ST6GALNAC3: variants seen among roughly 807,000 people sequenced by gnomAD.
The protein encoded by ST6GALNAC3 is ST6 N-acetylgalactosaminide alpha-2,6-sialyltransferase 3, also known as alpha-N-acetylgalactosaminide alpha-2,6-sialyltransferase 3.
In ST6GALNAC3, 25 loss-of-function variants were observed where a neutral mutation model predicts 32.7. That is an observed-to-expected ratio of 0.76 (90% CI 0.56 to 1.07). The LOEUF (loss-of-function observed/expected upper bound fraction) is 1.07. Ranked by LOEUF, ST6GALNAC3 falls within the 50% of genes least tolerant of loss-of-function variation. ST6GALNAC3 has a pLI of 0.00. For synonymous variants in ST6GALNAC3, 129 were observed against 133.1 expected (o/e 0.97, Z 0.21); for missense variants, 355 against 382.4 (o/e 0.93, Z 0.60).
rs1259675278 is a variant in ST6GALNAC3 at position 76,629,601 on chromosome 1, T to C, written c.*795T>C. 2.0e-6 allele frequency: 2 copies of C among 984,610 alleles called. No individual in the cohort carries two copies. The highest frequency in any genetic ancestry group is 6.2e-5 in the Admixed American group (1 of 16,204). The allele number at this position is 984,610 out of a possible 1,614,324, so 61.0% of individuals were successfully genotyped here. ...AGTGCTAAATATTTCAGAAGGCTAC[T>C]TAACATGTAAGATACCAACTTCAAC... On this transcript the variant is annotated 3_prime_UTR_variant, in exon 5 of 5. Transcript: ENST00000328299.
intron 1 of ST6GALNAC3, among the ~76,000 whole-genome samples, chr1:76,229,561 G>A: frequency 6.6e-6 from 1 of 152,182 alleles, no homozygotes; most frequent in Non-Finnish European, 1.5e-5. Flanking sequence ...AGAATAAATA[G>A]CCTTTGCTTG....
chr1:76,532,761 A>G (rs953940607), intron 3 of ST6GALNAC3, among the ~76,000 whole-genome samples: 2 of 152,180 alleles, frequency 1.3e-5, no homozygotes, highest in Admixed American at 6.5e-5. Context: ...CCATCTGACC[A>G]TGAGTTAATG....
At chr1:76,466,861 A>C (rs1658667547) in intron 3 of ST6GALNAC3, among the ~76,000 whole-genome samples, 1 of 152,124 alleles carries the variant, frequency 6.6e-6, no homozygotes, top group Non-Finnish European at 1.5e-5. Flanking sequence ...TTGCATATAG[A>C]TAAGAAGCAG....
intron 1 of ST6GALNAC3, among the ~76,000 whole-genome samples, chr1:76,182,045 C>T (rs1653215103): frequency 6.6e-6 from 1 of 152,114 alleles, no homozygotes; most frequent in Non-Finnish European, 1.5e-5. Flanking sequence ...ATCAGCAAAC[C>T]CTACTAATAG....
At chr1:76,251,456 T>C (rs993160312) in intron 1 of ST6GALNAC3, among the ~76,000 whole-genome samples, 1 of 152,172 alleles carries the variant, frequency 6.6e-6, no homozygotes, top group African/African-American at 2.4e-5. Flanking sequence ...CTGCTCATTC[T>C]TGCCTCAACC....
chr1:76,463,174 A>T (rs1186188060), intron 3 of ST6GALNAC3, among the ~76,000 whole-genome samples: 1 of 152,176 alleles, frequency 6.6e-6, no homozygotes, highest in African/African-American at 2.4e-5. Context: ...TAATAGTGGG[A>T]GCTTAACTTT....
At chr1:76,309,551 G>T (rs1448581861) in intron 1 of ST6GALNAC3, among the ~76,000 whole-genome samples, 5 of 152,184 alleles carry the variant, frequency 3.3e-5, no homozygotes, top group African/African-American at 9.6e-5. Flanking sequence ...ACTACTAGAA[G>T]AAGGCACATG....
At chr1:76,386,158 T>C (rs1243134096) in intron 2 of ST6GALNAC3, among the ~76,000 whole-genome samples, 12 of 151,926 alleles carry the variant, frequency 7.9e-5, no homozygotes, top group African/African-American at 2.4e-5. Context: ...AGTTTATGGA[T>C]TGAATTGAAT....
At chr1:76,291,163 G>A (rs1319142715) in intron 1 of ST6GALNAC3, among the ~76,000 whole-genome samples, 1 of 152,226 alleles carries the variant, frequency 6.6e-6, no homozygotes, top group Non-Finnish European at 1.5e-5. Context: ...CCTACTAAAT[G>A]TTTAAATTTC....
At chr1:76,175,034 T>C (rs1332325645) in intron 1 of ST6GALNAC3, among the ~76,000 whole-genome samples, 2 of 152,202 alleles carry the variant, frequency 1.3e-5, no homozygotes, top group African/African-American at 2.4e-5. Context: ...GGAAGTTCCA[T>C]TACTTACTTA....
intron 2 of ST6GALNAC3, among the ~76,000 whole-genome samples, chr1:76,318,428 G>A (rs1646907825): frequency 6.6e-6 from 1 of 152,128 alleles, no homozygotes; most frequent in Non-Finnish European, 1.5e-5. Flanking sequence ...AACTAACTGG[G>A]TGAGTGCTGA....
intron 1 of ST6GALNAC3, among the ~76,000 whole-genome samples, chr1:76,261,416 G>A (rs531995861): frequency 3.5e-4 from 54 of 152,218 alleles, no homozygotes; most frequent in African/African-American, 1.2e-3. Flanking sequence ...GACCCATTTT[G>A]AGTGTTGGTG....
At chr1:76,582,752 G>A (rs1162018775) in intron 3 of ST6GALNAC3, among the ~76,000 whole-genome samples, 3 of 152,010 alleles carry the variant, frequency 2.0e-5, no homozygotes, top group Admixed American at 1.3e-4. Flanking sequence ...TCTGCCCTCC[G>A]GAACACAGCA....
At chr1:76,078,675 ACT>A (rs1388951896) in intron 1 of ST6GALNAC3, among the ~76,000 whole-genome samples, 1 of 151,474 alleles carries the variant, frequency 6.6e-6, no homozygotes, top group Non-Finnish European at 1.5e-5. Flanking sequence ...GAAAAAAGAA[ACT>A]CTGAATCTTA....
At chr1:76,278,745 G>A (rs1217072853) in intron 1 of ST6GALNAC3, among the ~76,000 whole-genome samples, 7 of 152,080 alleles carry the variant, frequency 4.6e-5, no homozygotes, top group Admixed American at 2.0e-4. Context: ...CACAACGTTC[G>A]AAGTTAGGTG....
intron 1 of ST6GALNAC3, among the ~76,000 whole-genome samples, chr1:76,295,060 C>T (rs549188385): frequency 3.8e-4 from 58 of 151,600 alleles, no homozygotes; most frequent in Non-Finnish European, 8.0e-4. Context: ...AAAGGAAGAG[C>T]TCTGTTAAGC....
chr1:76,592,862 G>A (rs1228355274), intron 3 of ST6GALNAC3, among the ~76,000 whole-genome samples: 1 of 152,200 alleles, frequency 6.6e-6, no homozygotes, highest in African/African-American at 2.4e-5. Flanking sequence ...AGGAGAGGAT[G>A]TGTGCCTTAC....
intron 3 of ST6GALNAC3, chr1:76,576,736 C>T (rs1254905076): frequency 6.0e-6 from 5 of 838,008 alleles, no homozygotes; most frequent in East Asian, 6.4e-5. Context: ...CCTGATTAAT[C>T]AGTTTCACAG....
intron 1 of ST6GALNAC3, 141 bp from the exon 2 acceptor site, chr1:76,313,664 C>T (rs1379551099): frequency 3.1e-6 from 3 of 957,190 alleles, no homozygotes; most frequent in Admixed American, 3.7e-5. Flanking sequence ...AATTATTTTC[C>T]ATTTCCAGGT....
Sources: gnomAD v4.1 joint callset for allele counts (sites outside exome capture counted in the v4.1 genomes callset) on GRCh38, gnomAD v4.1.1 for gene constraint, MANE v1.5 for transcripts, NCBI Gene and HGNC (gene_info 2026-07-23, HGNC 2026-07-21) for gene names.